The following MYO3B variants were observed in gnomAD, a reference collection of about 807,000 sequenced individuals.
MYO3B encodes the protein myosin-IIIb.
Under a neutral mutation model 174.6 loss-of-function variants are expected in MYO3B, and 156 were observed. The ratio of observed to expected loss-of-function variants is 0.89; its 90% CI spans 0.78 to 1.02. MYO3B has a LOEUF of 1.02. MYO3B is among the 50% of genes least tolerant of loss of function. The pLI, the probability that MYO3B is intolerant of heterozygous loss-of-function variation, is 0.00. For missense variants in MYO3B, 1,632 were observed against 1,639.4 expected, an observed-to-expected ratio of 1.00 and a Z score of 0.08; for synonymous variants, 563 against 569.1, an observed-to-expected ratio of 0.99 and a Z score of 0.15.
chr2:170,455,409 A>G (rs986873330), intron 23 of MYO3B, among the ~76,000 whole-genome samples: 6 of 152,216 alleles, frequency 3.9e-5, no homozygotes, highest in Non-Finnish European at 5.9e-5. Context: ...GTGGCAGTAT[A>G]TAATGTTTAA....
intron 32 of MYO3B, among the ~76,000 whole-genome samples, chr2:170,626,407 G>C (rs1052660193): frequency 6.6e-6 from 1 of 152,152 alleles, no homozygotes; most frequent in Non-Finnish European, 1.5e-5. Flanking sequence ...TTGCTCGGTA[G>C]ATCTGTCTCC....
chr2:170,353,304 C>T (rs2094091421), intron 8 of MYO3B, among the ~76,000 whole-genome samples: 1 of 152,136 alleles, frequency 6.6e-6, no homozygotes, highest in Admixed American at 6.5e-5. Flanking sequence ...AGAAACCAAT[C>T]TGAAGAGTCT....
At chr2:170,615,943 T>C (rs1173780290) in intron 32 of MYO3B, among the ~76,000 whole-genome samples, 1 of 151,450 alleles carries the variant, frequency 6.6e-6, no homozygotes, top group Non-Finnish European at 1.5e-5. Context: ...ATAACATTTG[T>C]ATGTAGAAGT....
In MYO3B at chr2:170,276,995, A is replaced by G. The variant is rs747111294; in HGVS notation, c.749+40859A>G. Among the ~76,000 whole-genome samples the G allele has an allele frequency of 3.4e-4, 51 of 152,226 alleles. 1 individual carries two copies. The highest frequency in any genetic ancestry group is 2.0e-4 in the Admixed American group (3 of 15,280). The stretch of plus-strand genomic sequence containing the variant: ...TGTTATTATTCAAAACCAGCTGGTC[A>G]GGCAGGCAAGGCAGCTTAGATACAG... On this transcript the variant is annotated intron_variant, in intron 7 of 34. Coordinates refer to ENST00000408978, the MANE Select transcript of MYO3B (RefSeq NM_138995.5).
At chr2:170,504,370 G>C (rs1319899562) in intron 28 of MYO3B, among the ~76,000 whole-genome samples, 1 of 152,170 alleles carries the variant, frequency 6.6e-6, no homozygotes, top group East Asian at 1.9e-4. Flanking sequence ...TTGAAATTTA[G>C]GAAGCATTTG....
At chr2:170,239,896 A>T (rs1259644112) in intron 7 of MYO3B, among the ~76,000 whole-genome samples, 1 of 152,146 alleles carries the variant, frequency 6.6e-6, no homozygotes, top group Non-Finnish European at 1.5e-5. Context: ...GCCCCACATC[A>T]GCGGGTCAGC....
intron 1 of MYO3B, among the ~76,000 whole-genome samples, chr2:170,193,117 G>A (rs535795173): frequency 5.2e-4 from 79 of 151,726 alleles, no homozygotes; most frequent in Non-Finnish European, 1.0e-3. Flanking sequence ...CTATTATTGT[G>A]TTTTGTCTAT....
chr2:170,592,364 C>G (rs1417883951), intron 32 of MYO3B, among the ~76,000 whole-genome samples: 1 of 152,052 alleles, frequency 6.6e-6, no homozygotes, highest in Non-Finnish European at 1.5e-5. Flanking sequence ...TTTAATAAGA[C>G]CATTCCCTAC....
At chr2:170,347,598 C>T (rs1197301404) in intron 8 of MYO3B, among the ~76,000 whole-genome samples, 1 of 151,412 alleles carries the variant, frequency 6.6e-6, no homozygotes, top group Non-Finnish European at 1.5e-5. Flanking sequence ...GAGACTGTCT[C>T]GAAAAAAAAT....
rs560825704 is a variant in MYO3B at position 170,597,792 on chromosome 2, C to T, written c.3733+53804C>T. Among the ~76,000 whole-genome samples, 43 of 152,242 alleles carry T rather than the reference C, an allele frequency of 2.8e-4. 1 individual carries two copies. The highest frequency in any genetic ancestry group is 2.5e-3 in the South Asian group (12 of 4,826). On this transcript the variant is annotated intron_variant, in intron 32 of 34. Transcript: ENST00000408978. ...GTGCCTCTGTTGCCAACATTTTTGG[C>T]TCTGTATTCTGCTGTTTATTGCTCA...
intron 32 of MYO3B, among the ~76,000 whole-genome samples, chr2:170,587,629 A>T (rs115183137): frequency 2.0e-5 from 3 of 152,216 alleles, no homozygotes; most frequent in Non-Finnish European, 4.4e-5. Flanking sequence ...TCTGTATCAC[A>T]TATAGAGAAA....
intron 7 of MYO3B, among the ~76,000 whole-genome samples, chr2:170,307,450 A>T (rs989186657): frequency 6.6e-6 from 1 of 152,156 alleles, no homozygotes; most frequent in Non-Finnish European, 1.5e-5. Context: ...TTTATTCTCA[A>T]TGCTACCTTT....
chr2:170,188,047 C>T (rs1365483870), intron 1 of MYO3B, among the ~76,000 whole-genome samples: 1 of 151,982 alleles, frequency 6.6e-6, no homozygotes, highest in Non-Finnish European at 1.5e-5. Flanking sequence ...ATGATCTGTT[C>T]GATGCTTAAA....
rs16858707 is a variant in MYO3B, at chr2:170,544,306, G to T, written c.3733+318G>T. ...ACCAGCTTTTAGTGGAGCGGATCAC[G>T]CAGGGTCGAAATCTAGGAGTTGATA... On this transcript the variant is annotated intron_variant, in intron 32 of 34. Coordinates refer to ENST00000408978, the MANE Select transcript of MYO3B (RefSeq NM_138995.5). 0.029 allele frequency among the ~76,000 whole-genome samples: 4,354 copies of T among 152,270 alleles called. 553 individuals are homozygous for T. In the East Asian group the frequency reaches 0.44, roughly 15 times the overall value.
At chr2:170,494,645 T>C (rs1686722284) in intron 25 of MYO3B, among the ~76,000 whole-genome samples, 1 of 143,942 alleles carries the variant, frequency 6.9e-6, no homozygotes, top group African/African-American at 2.6e-5. Context: ...CGAGAATTAC[T>C]TGAACCTGGG....
chr2:170,496,329 T>G (rs1686852799), intron 25 of MYO3B, among the ~76,000 whole-genome samples: 1 of 152,174 alleles, frequency 6.6e-6, no homozygotes, highest in South Asian at 2.1e-4. Context: ...ATGGATATAT[T>G]TGGCAGGGGG....
chr2:170,228,274 C>T (rs72885675), intron 6 of MYO3B, among the ~76,000 whole-genome samples: 3,331 of 152,286 alleles, frequency 0.022, 109 homozygotes, highest in East Asian at 0.16. Context: ...CATGAACCAA[C>T]TGTGTGATTT....
intron 8 of MYO3B, chr2:170,338,102 T>A (rs941128687): frequency 6.6e-6 from 1 of 152,230 alleles, no homozygotes; most frequent in Non-Finnish European, 1.5e-5. Context: ...AAATCTGCTA[T>A]GTTTTTCCCA....
chr2:170,599,185 C>G (rs980570456), intron 32 of MYO3B, among the ~76,000 whole-genome samples: 1 of 152,198 alleles, frequency 6.6e-6, no homozygotes, highest in South Asian at 2.1e-4. Flanking sequence ...TAGTCATTCT[C>G]TATCTCTGTA....
Sources: allele counts gnomAD v4.1 joint callset (sites outside exome capture counted in the v4.1 genomes callset), GRCh38; gene constraint gnomAD v4.1.1; transcripts MANE v1.5; gene names NCBI Gene and HGNC (gene_info 2026-07-23, HGNC 2026-07-21).